Variants in ZDHHC7 observed in about 807,000 individuals in gnomAD.
The protein encoded by ZDHHC7 is zDHHC palmitoyltransferase 7.
A neutral mutation model predicts 34.1 loss-of-function variants in ZDHHC7; 12 were observed. The observed-to-expected ratio is 0.35, with a 90% confidence interval of 0.23 to 0.57. The LOEUF (loss-of-function observed/expected upper bound fraction) is 0.57. Among genes scored for constraint, ZDHHC7 ranks in the 20% least tolerant of loss-of-function variants. The pLI, the probability that ZDHHC7 is intolerant of heterozygous loss-of-function variation, is 0.84. For missense variants in ZDHHC7, 388 were observed against 402.7 expected (o/e 0.96, Z 0.31); for synonymous variants, 185 against 155.4 (o/e 1.19, Z -1.42).
At chr16:85,025,912 TA>T in the ZDHHC7 span, among the ~76,000 whole-genome samples, 1 of 152,240 alleles carries the variant, frequency 6.6e-6, no homozygotes, top group East Asian at 1.9e-4. Flanking sequence ...AGGTCACAAA[TA>T]TTTTTTTGTT....
At chr16:84,988,616 G>T in intron 3 of ZDHHC7, 1 of 702,714 alleles carries the variant, frequency 1.4e-6, no homozygotes, top group East Asian at 2.8e-5. Context: ...GCAGGAGCGG[G>T]GTGGGAGCAG....
rs80142450 is a variant in ZDHHC7, at chr16:84,999,448, C to T, written c.-103-3441G>A. On this transcript the variant is annotated intron_variant, in intron 1 of 7. Transcript: ENST00000313732. ...CACAGCAGCTTTGTTCATAATACCC[C>T]CAAACTGAAAACAACCCAAACCCGT... Among the ~76,000 whole-genome samples, 63 of 152,176 alleles carry T rather than the reference C, an allele frequency of 4.1e-4. No individual in the cohort carries two copies. In the East Asian group the frequency reaches 0.011, roughly 27 times the overall value.
At chr16:85,006,721 C>T (rs62050811) in intron 1 of ZDHHC7, among the ~76,000 whole-genome samples, 25,328 of 152,094 alleles carry the variant, frequency 0.17, 2,158 homozygotes, top group Middle Eastern at 0.21. Context: ...GCCTAGGTGA[C>T]AGAATAACAC....
At chr16:84,980,809 C>T (rs774587098) in intron 4 of ZDHHC7, among the ~76,000 whole-genome samples, 1 of 152,206 alleles carries the variant, frequency 6.6e-6, no homozygotes, top group Non-Finnish European at 1.5e-5. Context: ...AAAGAAACCT[C>T]ACCCCATATG....
upstream of ZDHHC7, among the ~76,000 whole-genome samples, chr16:85,012,353 C>T (rs530911426): frequency 7.6e-4 from 108 of 141,622 alleles, no homozygotes; most frequent in African/African-American, 2.9e-3. Flanking sequence ...CACTGCACTC[C>T]AGCCTGGGCG....
intron 1 of ZDHHC7, among the ~76,000 whole-genome samples, chr16:85,008,067 G>A (rs1320034126): frequency 6.6e-6 from 1 of 152,056 alleles, no homozygotes; most frequent in Non-Finnish European, 1.5e-5. Flanking sequence ...AGTGAGCCAT[G>A]ATTGTGCCAC....
intron 2 of ZDHHC7, among the ~76,000 whole-genome samples, chr16:84,995,262 CT>C (rs1470616640): frequency 3.3e-5 from 5 of 152,316 alleles, no homozygotes; most frequent in African/African-American, 1.2e-4. Flanking sequence ...AAATAAAGCC[CT>C]GTTTCCCAGA....
intron 1 of ZDHHC7, among the ~76,000 whole-genome samples, chr16:85,006,588 AAAG>A (rs1381834955): frequency 6.6e-6 from 1 of 151,566 alleles, no homozygotes; most frequent in East Asian, 2.0e-4. Flanking sequence ...ATTTAAAAAA[AAAG>A]GAGCCAGTTT....
intron 1 of ZDHHC7, among the ~76,000 whole-genome samples, chr16:85,002,670 G>C (rs1335736020): frequency 1.3e-5 from 2 of 152,090 alleles, no homozygotes; most frequent in African/African-American, 4.8e-5. Flanking sequence ...TTAAGGAAAA[G>C]CTGAGGAAAT....
intron 1 of ZDHHC7, among the ~76,000 whole-genome samples, chr16:85,004,261 C>A (rs1597562157): frequency 6.6e-6 from 1 of 151,960 alleles, no homozygotes; most frequent in Admixed American, 6.6e-5. Flanking sequence ...ATCAGCAAGT[C>A]CTATGGGGTG....
intron 7 of ZDHHC7, 47 bp downstream of exon 7, chr16:84,977,048 A>C: frequency 1.2e-6 from 2 of 1,606,568 alleles, no homozygotes; most frequent in Non-Finnish European, 8.5e-7. Context: ...TCATTTACTC[A>C]AGCTTGGACC....
chr16:85,016,416 C>CTACA (rs1172715955), upstream of ZDHHC7, among the ~76,000 whole-genome samples: 1 of 151,802 alleles, frequency 6.6e-6, no homozygotes, highest in Non-Finnish European at 1.5e-5. Context: ...TAAAATTGTA[C>CTACA]CCTTGCTAAA....
At chr16:85,021,326 C>T in the ZDHHC7 span, among the ~76,000 whole-genome samples, 1 of 147,768 alleles carries the variant, frequency 6.8e-6, no homozygotes, top group Non-Finnish European at 1.5e-5. Context: ...GCAGAAGAAT[C>T]GTTTGAACCC....
chr16:85,003,964 C>A (rs1377321680), intron 1 of ZDHHC7, among the ~76,000 whole-genome samples: 3 of 152,132 alleles, frequency 2.0e-5, no homozygotes, highest in African/African-American at 7.2e-5. Context: ...TAGTCCTCGG[C>A]CTTCCCTTCA....
chr16:84,992,005 G>A (rs543280137), intron 2 of ZDHHC7, among the ~76,000 whole-genome samples: 1 of 151,686 alleles, frequency 6.6e-6, no homozygotes, highest in South Asian at 2.1e-4. Flanking sequence ...GTGAAACCCC[G>A]TCTCTACTAA....
chr16:85,007,610 C>T (rs9929370), intron 1 of ZDHHC7, among the ~76,000 whole-genome samples: 26,050 of 151,678 alleles, frequency 0.17, 3,188 homozygotes, highest in East Asian at 0.33. Flanking sequence ...CAGACACAAG[C>T]GTTAACATCA....
chr16:85,023,825 G>T, the ZDHHC7 span, among the ~76,000 whole-genome samples: 1 of 151,948 alleles, frequency 6.6e-6, no homozygotes. Flanking sequence ...TCACCATGTT[G>T]CCCATGCTGG....
chr16:84,994,472 T>C (rs2072550680), intron 2 of ZDHHC7, among the ~76,000 whole-genome samples: 1 of 152,240 alleles, frequency 6.6e-6, no homozygotes. Context: ...GCTATACTTT[T>C]GTCAGAGCAC....
chr16:85,014,095 T>C (rs2072824588), upstream of ZDHHC7, among the ~76,000 whole-genome samples: 1 of 152,218 alleles, frequency 6.6e-6, no homozygotes, highest in Non-Finnish European at 1.5e-5. Flanking sequence ...GCGCCCATTT[T>C]AAAGTTTTCT....
Sources: allele counts gnomAD v4.1 joint callset (sites outside exome capture counted in the v4.1 genomes callset), GRCh38; gene constraint gnomAD v4.1.1; transcripts MANE v1.5; gene names NCBI Gene and HGNC (gene_info 2026-07-23, HGNC 2026-07-21).